Variants in SLC35F1 observed in about 807,000 individuals in gnomAD.
SLC35F1 encodes the protein chromosome 6 open reading frame 169.
A neutral mutation model predicts 48.7 loss-of-function variants in SLC35F1; 14 were observed. That is an observed-to-expected ratio of 0.29 (90% CI 0.19 to 0.45). The LOEUF is 0.45. Ranked by LOEUF, SLC35F1 falls within the 20% of genes least tolerant of loss-of-function variation. SLC35F1 has a pLI of 1.00. For missense variants in SLC35F1, 404 were observed against 500.0 expected, an observed-to-expected ratio of 0.81 and a Z score of 1.83; for synonymous variants, 190 against 202.2, an observed-to-expected ratio of 0.94 and a Z score of 0.51.
intron 1 of SLC35F1, among the ~76,000 whole-genome samples, chr6:118,027,244 A>G (rs946023848): frequency 2.0e-5 from 3 of 152,170 alleles, no homozygotes; most frequent in Non-Finnish European, 4.4e-5. Context: ...AAAAGCTGCT[A>G]TAAACATTCA....
chr6:118,299,713 T>C (rs1166734774), intron 7 of SLC35F1, among the ~76,000 whole-genome samples: 1 of 152,214 alleles, frequency 6.6e-6, no homozygotes, highest in African/African-American at 2.4e-5. Flanking sequence ...AAAGTGCTTC[T>C]AATACCACTG....
chr6:118,252,675 A>G (rs1775591055), intron 3 of SLC35F1, among the ~76,000 whole-genome samples: 1 of 152,138 alleles, frequency 6.6e-6, no homozygotes, highest in African/African-American at 2.4e-5. Flanking sequence ...TCATTGTATG[A>G]TTAGGTCATA....
intron 3 of SLC35F1, among the ~76,000 whole-genome samples, chr6:118,266,561 A>G (rs1338759698): frequency 1.3e-5 from 2 of 152,210 alleles, no homozygotes; most frequent in African/African-American, 4.8e-5. Flanking sequence ...ATAAAACATT[A>G]TAAGACCTCT....
At chr6:117,975,656 G>A (rs1216571899) in intron 1 of SLC35F1, among the ~76,000 whole-genome samples, 1 of 151,968 alleles carries the variant, frequency 6.6e-6, no homozygotes, top group Non-Finnish European at 1.5e-5. Flanking sequence ...TTTTGTAGAC[G>A]GGAATCTACT....
At chr6:117,939,651 T>C (rs1410634399) in intron 1 of SLC35F1, among the ~76,000 whole-genome samples, 1 of 152,164 alleles carries the variant, frequency 6.6e-6, no homozygotes, top group Non-Finnish European at 1.5e-5. Context: ...CTAAAGGGAA[T>C]AAACCCGGAA....
chr6:118,291,361 G>C (rs1292612613), intron 7 of SLC35F1, among the ~76,000 whole-genome samples: 1 of 151,872 alleles, frequency 6.6e-6, no homozygotes, highest in Non-Finnish European at 1.5e-5. Flanking sequence ...CTATTTTGGG[G>C]AAAAAGTATT....
intron 7 of SLC35F1, among the ~76,000 whole-genome samples, chr6:118,305,561 G>T (rs1776302756): frequency 6.6e-6 from 1 of 152,006 alleles, no homozygotes; most frequent in Admixed American, 6.6e-5. Context: ...AACATGATAT[G>T]ACTATCCTGC....
chr6:118,040,814 T>C (rs1302359984), intron 1 of SLC35F1, among the ~76,000 whole-genome samples: 1 of 151,612 alleles, frequency 6.6e-6, no homozygotes. Context: ...CCTGAAGTCA[T>C]AGTGTCTGTG....
At chr6:118,058,225 G>A (rs1356797419) in intron 1 of SLC35F1, among the ~76,000 whole-genome samples, 3 of 152,022 alleles carry the variant, frequency 2.0e-5, no homozygotes, top group Non-Finnish European at 4.4e-5. Flanking sequence ...AAGCGACTAT[G>A]GTAAAAATAT....
intron 1 of SLC35F1, among the ~76,000 whole-genome samples, chr6:118,063,034 A>AC (rs1299458690): frequency 6.6e-6 from 1 of 152,128 alleles, no homozygotes; most frequent in Non-Finnish European, 1.5e-5. Flanking sequence ...ATCGGGGAAA[A>AC]GTAGCTAAGA....
intron 1 of SLC35F1, among the ~76,000 whole-genome samples, chr6:118,147,580 G>A (rs1292947271): frequency 6.6e-6 from 1 of 152,176 alleles, no homozygotes; most frequent in Non-Finnish European, 1.5e-5. Flanking sequence ...AACCCAGAGT[G>A]AGAGATATGC....
intron 1 of SLC35F1, among the ~76,000 whole-genome samples, chr6:118,024,124 T>G (rs1375115169): frequency 6.6e-6 from 1 of 152,194 alleles, no homozygotes; most frequent in Non-Finnish European, 1.5e-5. Context: ...ATTATAATCT[T>G]TTCATTTTAT....
intron 1 of SLC35F1, among the ~76,000 whole-genome samples, chr6:117,959,044 C>T (rs1776462229): frequency 6.6e-6 from 1 of 152,118 alleles, no homozygotes; most frequent in Admixed American, 6.6e-5. Flanking sequence ...GTTTAGATTC[C>T]AACTTCCACG....
At chr6:118,297,790 T>A (rs1776210744) in intron 7 of SLC35F1, among the ~76,000 whole-genome samples, 1 of 147,900 alleles carries the variant, frequency 6.8e-6, no homozygotes, top group Admixed American at 6.8e-5. Context: ...ACACATATAT[T>A]TTTTTTCAGT....
rs528751712 is a variant in SLC35F1 at position 118,120,195 on chromosome 6, G to C, written c.174-34250G>C. ...TTTTTTTAATCCTTTATGTCTGATA[G>C]ATAACAAGCAATGATACTACAAAGA... On this transcript the variant is annotated intron_variant, in intron 1 of 7. Coordinates refer to ENST00000360388, the MANE Select transcript of SLC35F1 (RefSeq NM_001029858.4). Among the ~76,000 whole-genome samples the C allele has an allele frequency of 3.9e-5, 6 of 152,230 alleles. No homozygotes were observed. In the East Asian group the frequency reaches 1.2e-3, roughly 29 times the overall value.
At chr6:118,004,668 C>G (rs946319032) in intron 1 of SLC35F1, among the ~76,000 whole-genome samples, 1 of 152,036 alleles carries the variant, frequency 6.6e-6, no homozygotes, top group African/African-American at 2.4e-5. Context: ...TTCAAGTGAT[C>G]CTCCCACTTG....
chr6:118,221,460 A>G (rs185604269), intron 2 of SLC35F1, among the ~76,000 whole-genome samples: 104 of 152,308 alleles, frequency 6.8e-4, no homozygotes, highest in African/African-American at 1.4e-3. Context: ...TGGAAGTAAT[A>G]GAATTCAAAC....
rs1473112942 is a variant in SLC35F1 at position 117,923,636 on chromosome 6, TAC to T, written c.173+15739_173+15740del. ...ATACATATGTATATATACATATATG[TAC>T]ATATGTACATATGTACATATGTATA... is the stretch of plus-strand genomic sequence containing the variant. On this transcript the variant is annotated intron_variant, in intron 1 of 7. Coordinates refer to ENST00000360388, the MANE Select transcript of SLC35F1 (RefSeq NM_001029858.4). 3.8e-4 allele frequency among the ~76,000 whole-genome samples: 27 copies of T among 70,914 alleles called. 9 individuals are homozygous for T. Among genetic ancestry groups the T allele is most frequent in the East Asian group, 7.5e-4 (2 of 2,682 alleles). 46.5% of individuals were successfully genotyped at this position (70,914 alleles called of 152,430 possible).
Position 118,315,433 on chromosome 6 carries a change from C to CTTTT in SLC35F1, c.*1202_*1205dup, listed in dbSNP as rs11293041. ...ATAACAGATATATTGACACGACATT[C>CTTTT]TTTTTTTTTTTTTTTTTTTTTTTTG... On this transcript the variant is annotated 3_prime_UTR_variant, in exon 8 of 8. Transcript: ENST00000360388. The CTTTT allele has an allele frequency of 8.6e-4, 68 of 78,916 alleles. No homozygotes were observed. Among genetic ancestry groups the CTTTT allele is most frequent in the African/African-American group, 1.6e-3 (33 of 20,012 alleles). The allele number at this position is 78,916 out of a possible 1,614,324, so 4.9% of individuals were successfully genotyped here.
Sources: allele counts gnomAD v4.1 joint callset (sites outside exome capture counted in the v4.1 genomes callset), GRCh38; gene constraint gnomAD v4.1.1; transcripts MANE v1.5; gene names NCBI Gene and HGNC (gene_info 2026-07-23, HGNC 2026-07-21).